ACSL1: variants seen among roughly 807,000 people sequenced by gnomAD.
ACSL1 encodes the protein long-chain-fatty-acid--CoA ligase 1.
In ACSL1, 41 loss-of-function variants were observed where a neutral mutation model predicts 98.4. That is an observed-to-expected ratio of 0.42 (90% CI 0.32 to 0.54). ACSL1 has a LOEUF of 0.54. Among genes scored for constraint, ACSL1 ranks in the 20% least tolerant of loss-of-function variants. ACSL1 has a pLI of 0.13. For synonymous variants in ACSL1, 316 were observed against 322.7 expected, an observed-to-expected ratio of 0.98 and a Z score of 0.22; for missense variants, 734 against 883.1, an observed-to-expected ratio of 0.83 and a Z score of 2.14.
rs1272121206 is a variant in ACSL1, at chr4:184,825,422, G to A, written c.-33+494C>T. 6.6e-6 allele frequency among the ~76,000 whole-genome samples: 1 copy of A among 152,078 alleles called. No homozygotes were observed. Among genetic ancestry groups the A allele is most frequent in the Non-Finnish European group, 1.5e-5 (1 of 67,978 alleles). On this transcript the variant is annotated intron_variant, in intron 1 of 20. Transcript: ENST00000281455. This position sits in a 1 kb window ranked among gnomAD's most constrained non-coding sequence, Gnocchi z 4.7. ...TGGGCCTCGTGCCGCCGCGCTGCGT[G>A]GGGCCGGCATCTCAGCGGGCGCGAG...
chr4:184,794,618 G>C (rs1043591784), intron 2 of ACSL1, among the ~76,000 whole-genome samples: 41 of 152,188 alleles, frequency 2.7e-4, no homozygotes, highest in Non-Finnish European at 3.7e-4. Flanking sequence ...CTCAGACTTG[G>C]GGGGGCTGCT....
At chr4:184,785,062 G>A (rs1300373049) in intron 3 of ACSL1, among the ~76,000 whole-genome samples, 1 of 152,222 alleles carries the variant, frequency 6.6e-6, no homozygotes, top group Non-Finnish European at 1.5e-5. Flanking sequence ...AGGCCCACTG[G>A]CTGTTTTTGT....
chr4:184,788,839 C>A, intron 2 of ACSL1, 108 bp from the exon 3 acceptor site: 1 of 814,424 alleles, frequency 1.2e-6, no homozygotes, highest in Non-Finnish European at 2.0e-6. Context: ...ATTCTTGTCA[C>A]TTATCTGTAG....
At chr4:184,798,900 G>T (rs1486428476) in intron 2 of ACSL1, 2 of 152,284 alleles carry the variant, frequency 1.3e-5, no homozygotes, top group Non-Finnish European at 2.9e-5. Flanking sequence ...ACCTCCTTCA[G>T]CAATTACAAA....
intron 2 of ACSL1, among the ~76,000 whole-genome samples, chr4:184,793,194 TAA>T (rs5864899): frequency 0.016 from 2,119 of 135,870 alleles, 15 homozygotes; most frequent in Middle Eastern, 0.019. Flanking sequence ...TGTTCCCAGT[TAA>T]AAAAAAAAAA....
intron 1 of ACSL1, chr4:184,812,109 CTTT>C: frequency 3.5e-6 from 3 of 868,792 alleles, no homozygotes; most frequent in Non-Finnish European, 2.8e-6. Context: ...TCCAGGACTT[CTTT>C]ATTTGTAACC....
At chr4:184,787,132 A>G (rs1433560034) in intron 3 of ACSL1, among the ~76,000 whole-genome samples, 1 of 152,282 alleles carries the variant, frequency 6.6e-6, no homozygotes, top group Non-Finnish European at 1.5e-5. Flanking sequence ...GAGGATTTAA[A>G]TAACAAAGCA....
intron 2 of ACSL1, among the ~76,000 whole-genome samples, chr4:184,801,610 T>C (rs1271543243): frequency 2.6e-5 from 4 of 152,216 alleles, no homozygotes; most frequent in Admixed American, 6.5e-5. Flanking sequence ...TACTTTTAAA[T>C]TTAAACTTTT....
intron 2 of ACSL1, among the ~76,000 whole-genome samples, chr4:184,800,729 G>A (rs1357895703): frequency 1.3e-5 from 2 of 152,130 alleles, no homozygotes; most frequent in African/African-American, 4.8e-5. Context: ...TGATCAGTCC[G>A]GGCTCCAACA....
At chr4:184,800,728 C>T (rs927034328) in intron 2 of ACSL1, among the ~76,000 whole-genome samples, 17 of 152,178 alleles carry the variant, frequency 1.1e-4, no homozygotes, top group African/African-American at 2.7e-4. Flanking sequence ...CTGATCAGTC[C>T]GGGCTCCAAC....
Position 184,783,959 on chromosome 4 carries a change from C to A in ACSL1, c.343G>T (p.Asp115Tyr). The change falls in exon 4 of 21, where the codon GAC becomes TAC. Residue 115 changes from aspartate (D) to tyrosine (Y), a missense_variant. By Grantham distance (160) the Asp-to-Tyr change is radical. Coordinates refer to ENST00000281455, the MANE Select transcript of ACSL1 (RefSeq NM_001995.5). ...TATGAAAGCCATTCATAGGGTTGGT[C>A]TGGTTTCCGAGAGCCTAAACAAGGG... is the stretch of plus-strand genomic sequence containing the variant. The part of the protein sequence containing the change: ...NGPCLGSRKP[D>Y]QPYEWLSYKQ... The A allele has an allele frequency of 1.2e-6, 2 of 1,613,872 alleles. No homozygotes were observed. The highest frequency in any genetic ancestry group is 2.2e-5 in the South Asian group (2 of 91,022).
chr4:184,813,800 C>T (rs544480891), intron 1 of ACSL1: 5 of 455,710 alleles, frequency 1.1e-5, no homozygotes, highest in Admixed American at 4.7e-5. Context: ...GATCAAATGT[C>T]CTTTCACAGT....
In ACSL1 at chr4:184,776,619, T is replaced by A. The variant is rs557794335; in HGVS notation, c.621A>T (p.Lys207Asn). ...TATTTTCTACACCCTCTAATAAGAG[T>A]TTGGCCTTCTCTGGCTTGTCAACAA... The part of the protein sequence containing the change: ...LVFVDKPEKA[K>N]LLLEGVENKL... Residue 207 changes from lysine (K) to asparagine (N), a missense_variant, in exon 7 of 21, where the codon AAA (lysine) becomes AAT (asparagine). Physicochemically the swap from Lys to Asn is moderately conservative, Grantham distance 94 (BLOSUM62 0). Transcript: ENST00000281455. The A allele has an allele frequency of 1.2e-6, 2 of 1,613,574 alleles. No individual in the cohort carries two copies. The highest frequency in any genetic ancestry group is 2.7e-5 in the African/African-American group (2 of 75,036).
At chr4:184,784,650 T>C (rs1442593410) in intron 3 of ACSL1, among the ~76,000 whole-genome samples, 1 of 152,218 alleles carries the variant, frequency 6.6e-6, no homozygotes, top group Non-Finnish European at 1.5e-5. Flanking sequence ...ATAGTGCATC[T>C]GGCTTTAGCA....
chr4:184,781,005 G>A (rs1193964370), intron 4 of ACSL1, among the ~76,000 whole-genome samples: 2 of 139,642 alleles, frequency 1.4e-5, no homozygotes, highest in African/African-American at 5.4e-5. Context: ...TTGGGAGGCC[G>A]AGGCAGGCAG....
At chr4:184,794,758 G>T (rs1027173102) in intron 2 of ACSL1, among the ~76,000 whole-genome samples, 1 of 152,142 alleles carries the variant, frequency 6.6e-6, no homozygotes, top group African/African-American at 2.4e-5. Context: ...CACCTCCTTC[G>T]TCTGTGTGTG....
At chr4:184,821,168 C>A (rs1158917135) in intron 1 of ACSL1, 2 of 452,828 alleles carry the variant, frequency 4.4e-6, no homozygotes, top group Admixed American at 2.4e-5. Flanking sequence ...TAAGCCTGGC[C>A]GTGTCCAGGC....
At chr4:184,763,331 A>C in intron 15 of ACSL1, 76 bp from the exon 16 acceptor site, 2 of 1,311,290 alleles carry the variant, frequency 1.5e-6, no homozygotes, top group Non-Finnish European at 2.1e-6. Flanking sequence ...TTGATAGCAA[A>C]CAGGATTCCA....
intron 2 of ACSL1, among the ~76,000 whole-genome samples, chr4:184,792,453 C>T (rs951738713): frequency 6.6e-5 from 10 of 151,588 alleles, no homozygotes; most frequent in African/African-American, 2.2e-4. Context: ...TTTTTTTTCC[C>T]GAAACAGGGG....
Sources: gnomAD v4.1 joint callset for allele counts (sites outside exome capture counted in the v4.1 genomes callset) on GRCh38, gnomAD v4.1.1 for gene constraint, Gnocchi (gnomAD v3.1) non-coding constraint, MANE v1.5 for transcripts, NCBI Gene and HGNC (gene_info 2026-07-23, HGNC 2026-07-21) for gene names.